ZFP69B: variants seen among roughly 807,000 people sequenced by gnomAD.
ZFP69B encodes the protein zinc finger protein 69 homolog B.
A neutral mutation model predicts 19.7 loss-of-function variants in ZFP69B; 20 were observed. That is an observed-to-expected ratio of 1.02 (90% CI 0.71 to 1.48). The LOEUF is 1.48. Ranked by LOEUF, ZFP69B falls within the 40% of genes most tolerant of loss-of-function variation. The probability of loss-of-function intolerance (pLI) is 0.00; values close to 1 mark genes in which losing one functional copy is unlikely to be tolerated. For synonymous variants in ZFP69B, 220 were observed against 222.7 expected, an observed-to-expected ratio of 0.99 and a Z score of 0.11; for missense variants, 583 against 632.6, an observed-to-expected ratio of 0.92 and a Z score of 0.84.
At chr1:40,456,255 C>T (rs1209593855) in intron 2 of ZFP69B, among the ~76,000 whole-genome samples, 1 of 152,166 alleles carries the variant, frequency 6.6e-6, no homozygotes, top group African/African-American at 2.4e-5. Flanking sequence ...TCTCCACAGT[C>T]TCCCCAGCAT....
Position 40,457,346 on chromosome 1 carries a change from T to C in ZFP69B, c.343T>C (p.Cys115Arg), listed in dbSNP as rs200723617. 6 of 1,613,820 alleles carry C rather than the reference T, an allele frequency of 3.7e-6. No individual in the cohort carries two copies. In the East Asian group the frequency reaches 1.1e-4, roughly 30 times the overall value. The change falls in exon 4 of 5, where the codon TGT becomes CGT. Residue 115 changes from cysteine (C) to arginine (R), a missense_variant and splice_region_variant. Coordinates refer to ENST00000361584, the MANE Select transcript of ZFP69B (RefSeq NM_023070.3). ...AGTCTTTTCTTCCCCATAAGCAGGA[T>C]GTCAGCTTTCCAAACCTGGCGTGAT... Reference protein sequence around the residue: ...ENYGNLVSVGCQLSKPGVISQ... With the variant: ...ENYGNLVSVGRQLSKPGVISQ...
chr1:40,456,019 G>C (rs1645229622), intron 2 of ZFP69B, among the ~76,000 whole-genome samples: 1 of 152,120 alleles, frequency 6.6e-6, no homozygotes, highest in South Asian at 2.1e-4. Flanking sequence ...ATGGGCATTT[G>C]GGTTGGTTCC....
chr1:40,455,677 A>G (rs1228959701), intron 2 of ZFP69B, among the ~76,000 whole-genome samples: 2 of 152,110 alleles, frequency 1.3e-5, no homozygotes, highest in African/African-American at 2.4e-5. Flanking sequence ...TTACATAGGT[A>G]TACATGTGCC....
At chr1:40,461,009 G>C (rs1487638501) in intron 4 of ZFP69B, among the ~76,000 whole-genome samples, 10 of 150,300 alleles carry the variant, frequency 6.7e-5, no homozygotes, top group African/African-American at 2.4e-4. Flanking sequence ...AGCCAGGTGT[G>C]GTGGCGCATA....
chr1:40,452,946 C>T (rs1369341738), intron 1 of ZFP69B, among the ~76,000 whole-genome samples: 2 of 149,014 alleles, frequency 1.3e-5, no homozygotes, highest in Non-Finnish European at 3.0e-5. Flanking sequence ...AATACAAAGA[C>T]AGTTATTCAT....
rs747719612 is a variant in ZFP69B at position 40,462,976 on chromosome 1, G to A, written c.992G>A (p.Gly331Asp). ...SLIPHQRIHT[G>D]EKPYECKECG... ...ATTCCGCATCAGAGAATTCATACTGGTGAGAAACCCTATGAATGTAAGGAG... is the reference window on the plus strand; with the variant it reads ...ATTCCGCATCAGAGAATTCATACTGATGAGAAACCCTATGAATGTAAGGAG... Residue 331 changes from glycine to aspartate, a missense_variant, in exon 5 of 5, where the codon GGT becomes GAT. Transcript: ENST00000361584. The A allele has an allele frequency of 1.2e-6, 2 of 1,614,104 alleles. No individual in the cohort carries two copies. The highest frequency in any genetic ancestry group is 1.7e-5 in the Admixed American group (1 of 60,024).
rs571089328 is a variant in ZFP69B, at chr1:40,461,585, A to G, written c.437-836A>G. ...CGAGGCAGGTGGATTGCTTGAGCTC[A>G]GAAGTTTGAGACCAGCCTGGGCAAC... On this transcript the variant is annotated intron_variant, in intron 4 of 4. Coordinates refer to ENST00000361584, the MANE Select transcript of ZFP69B (RefSeq NM_023070.3). Among the ~76,000 whole-genome samples the G allele has an allele frequency of 3.3e-5, 5 of 152,246 alleles. No individual in the cohort carries two copies. The East Asian group carries it at 9.7e-4, about 29-fold the overall frequency.
chr1:40,457,177 G>A, intron 3 of ZFP69B, 106 bp downstream of exon 3: 2 of 1,560,478 alleles, frequency 1.3e-6, no homozygotes, highest in Non-Finnish European at 1.7e-6. Flanking sequence ...TAGAGGTTTT[G>A]TGTTTCCTTC....
Position 40,463,531 on chromosome 1 carries a change from C to G in ZFP69B, c.1547C>G (p.Ser516Ter). The G allele has an allele frequency of 6.2e-7, 1 of 1,614,078 alleles. No individual in the cohort carries two copies. The change falls in exon 5 of 5, where the codon TCA (serine) becomes TGA (stop). Residue 516 changes from serine (S) to a stop codon, truncating the protein, a stop_gained. Coordinates refer to ENST00000361584, the MANE Select transcript of ZFP69B (RefSeq NM_023070.3). LOFTEE classifies it low-confidence loss of function (END_TRUNC). The stretch of plus-strand genomic sequence containing the variant: ...TGTGGAAAAGCCTTCAGCTGTAGTT[C>G]ATCCCTTATTAGACACTGCAAAACA... The part of the protein sequence containing the change: ...NECGKAFSCS[S>*]SLIRHCKTHL...
intron 1 of ZFP69B, among the ~76,000 whole-genome samples, chr1:40,452,219 A>C (rs1218330571): frequency 6.6e-6 from 1 of 152,246 alleles, no homozygotes; most frequent in African/African-American, 2.4e-5. Flanking sequence ...ACAGATACTC[A>C]CATGATATCA....
intron 4 of ZFP69B, among the ~76,000 whole-genome samples, chr1:40,457,829 T>C (rs1303812168): frequency 6.6e-6 from 1 of 151,992 alleles, no homozygotes; most frequent in Non-Finnish European, 1.5e-5. Flanking sequence ...GGTTTCACTG[T>C]CTCTCAATGA....
rs116088896 is a variant in ZFP69B at position 40,458,263 on chromosome 1, C to T, written c.436+824C>T. 1.0e-2 allele frequency among the ~76,000 whole-genome samples: 1,516 copies of T among 152,276 alleles called. 15 individuals are homozygous for T. The highest frequency in any genetic ancestry group is 0.029 in the South Asian group (138 of 4,824). The stretch of plus-strand genomic sequence containing the variant: ...TGCATTAGATTACACATGTAGACCT[C>T]GCCACCTTAATATCCTTTCCTCTAT... On this transcript the variant is annotated intron_variant, in intron 4 of 4. Transcript: ENST00000361584.
Position 40,463,230 on chromosome 1 carries a change from G to T in ZFP69B, c.1246G>T (p.Val416Leu), listed in dbSNP as rs151207450. Residue 416 changes from valine to leucine, a missense_variant, in exon 5 of 5, where the codon GTG (valine) becomes TTG (leucine). Transcript: ENST00000361584. The part of the protein sequence containing the change: ...LRQHEIIHTG[V>L]KPYICNVCSK... Reference sequence around the variant, plus strand: ...GCAACATGAGATTATTCATACTGGTGTGAAACCCTATATTTGTAATGTATG... The same window carrying T: ...GCAACATGAGATTATTCATACTGGTTTGAAACCCTATATTTGTAATGTATG... The T allele has an allele frequency of 1.2e-5, 19 of 1,614,010 alleles. No homozygotes were observed. The highest frequency in any genetic ancestry group is 1.5e-5 in the Non-Finnish European group (18 of 1,180,016).
intron 2 of ZFP69B, among the ~76,000 whole-genome samples, chr1:40,456,266 C>T (rs2124417393): frequency 6.6e-6 from 1 of 152,320 alleles, no homozygotes; most frequent in Middle Eastern, 3.4e-3. Flanking sequence ...TCCCCAGCAT[C>T]TGTTGTTCCC....
chr1:40,457,719 C>T (rs1338935944), intron 4 of ZFP69B, among the ~76,000 whole-genome samples: 1 of 152,180 alleles, frequency 6.6e-6, no homozygotes, highest in Non-Finnish European at 1.5e-5. Context: ...CTAAACCTTG[C>T]TCTGATCATA....
chr1:40,458,512 GT>G (rs11343581), intron 4 of ZFP69B, among the ~76,000 whole-genome samples: 29,304 of 139,068 alleles, frequency 0.21, 3,115 homozygotes, highest in African/African-American at 0.35. Flanking sequence ...TGGAGAAATT[GT>G]TTTTTTTTTT....
chr1:40,458,050 G>T (rs904770775), intron 4 of ZFP69B, among the ~76,000 whole-genome samples: 12 of 152,100 alleles, frequency 7.9e-5, no homozygotes, highest in African/African-American at 2.9e-4. Flanking sequence ...TATTTACCTG[G>T]GTTCTCTGTG....
At chr1:40,457,280 T>C in intron 3 of ZFP69B, 64 bp from the exon 4 acceptor site, 3 of 1,567,256 alleles carry the variant, frequency 1.9e-6, no homozygotes, top group Non-Finnish European at 2.6e-6. Flanking sequence ...CAAAGAACCA[T>C]ATTTAAATTC....
rs2124425129 is a variant in ZFP69B at position 40,462,767 on chromosome 1, A to C, written c.783A>C (p.Arg261Ser). ...RKYDTPGKRS[R>S]YNIDLVNHSR... ...ATGACACACCTGGAAAGAGAAGCAG[A>C]TACAACATAGATTTAGTTAATCATT... The change falls in exon 5 of 5, where the codon AGA (arginine) becomes AGC (serine). Residue 261 changes from arginine (R) to serine (S), a missense_variant. Physicochemically the swap from Arg to Ser is moderately radical, Grantham distance 110 (BLOSUM62 -1). Coordinates refer to ENST00000361584, the MANE Select transcript of ZFP69B (RefSeq NM_023070.3). The C allele has an allele frequency of 6.2e-7, 1 of 1,613,942 alleles. No individual in the cohort carries two copies. The highest frequency in any genetic ancestry group is 2.2e-5 in the East Asian group (1 of 44,870).
Sources: gnomAD v4.1 joint callset for allele counts (sites outside exome capture counted in the v4.1 genomes callset) on GRCh38, gnomAD v4.1.1 for gene constraint, MANE v1.5 for transcripts, NCBI Gene and HGNC (gene_info 2026-07-23, HGNC 2026-07-21) for gene names.